Variants in ABHD17C observed in about 807,000 individuals in gnomAD.
The protein encoded by ABHD17C is alpha/beta hydrolase domain-containing protein 17C.
ABHD17C carries 11 observed loss-of-function variants against 27.9 expected under a neutral mutation model. That is an observed-to-expected ratio of 0.39 (90% CI 0.25 to 0.65). The LOEUF (loss-of-function observed/expected upper bound fraction) is 0.65. Among genes scored for constraint, ABHD17C ranks in the 30% least tolerant of loss-of-function variants. The probability of loss-of-function intolerance (pLI) is 0.45; values close to 1 mark genes in which losing one functional copy is unlikely to be tolerated. For synonymous variants in ABHD17C, 233 were observed against 209.1 expected, an observed-to-expected ratio of 1.11 and a Z score of -0.98; for missense variants, 280 against 470.2, an observed-to-expected ratio of 0.60 and a Z score of 3.74.
intron 1 of ABHD17C, among the ~76,000 whole-genome samples, chr15:80,745,668 T>TA (rs1464993907): frequency 2.0e-5 from 3 of 152,148 alleles, no homozygotes; most frequent in African/African-American, 7.2e-5. Flanking sequence ...CGCCCAGCCT[T>TA]AACAGCATGA....
intron 1 of ABHD17C, among the ~76,000 whole-genome samples, chr15:80,708,416 A>G (rs1476312208): frequency 6.6e-6 from 1 of 152,176 alleles, no homozygotes; most frequent in Non-Finnish European, 1.5e-5. Flanking sequence ...CCTAGGTTCA[A>G]GTGATTCTCA....
chr15:80,748,444 G>T (rs547917998), intron 1 of ABHD17C, among the ~76,000 whole-genome samples: 1 of 151,984 alleles, frequency 6.6e-6, no homozygotes, highest in Admixed American at 6.6e-5. Flanking sequence ...ACACTGTCTG[G>T]CTTCTTCATT....
intron 1 of ABHD17C, among the ~76,000 whole-genome samples, chr15:80,725,104 G>T (rs554088542): frequency 6.6e-6 from 1 of 152,188 alleles, no homozygotes; most frequent in South Asian, 2.1e-4. Context: ...TAACCAACAC[G>T]ATTTTGTCTA....
At chr15:80,743,940 T>G (rs1895247744) in intron 1 of ABHD17C, among the ~76,000 whole-genome samples, 1 of 152,256 alleles carries the variant, frequency 6.6e-6, no homozygotes, top group South Asian at 2.1e-4. Context: ...TGTTCCAGAC[T>G]GGTAGGGTTT....
intron 1 of ABHD17C, among the ~76,000 whole-genome samples, chr15:80,746,465 T>C (rs1474729809): frequency 1.3e-5 from 2 of 152,150 alleles, no homozygotes; most frequent in Non-Finnish European, 2.9e-5. Context: ...ACTAGTGCTT[T>C]TTTGTGTTTT....
chr15:80,709,913 C>G (rs1446741817), intron 1 of ABHD17C, among the ~76,000 whole-genome samples: 1 of 152,166 alleles, frequency 6.6e-6, no homozygotes, highest in Non-Finnish European at 1.5e-5. Context: ...CAGAACAAAA[C>G]AAGCAAAACC....
chr15:80,750,574 T>G (rs1895352950), intron 2 of ABHD17C, among the ~76,000 whole-genome samples: 1 of 152,210 alleles, frequency 6.6e-6, no homozygotes, highest in Non-Finnish European at 1.5e-5. Context: ...GATCATCGTT[T>G]GGTTACATAA....
intron 2 of ABHD17C, among the ~76,000 whole-genome samples, chr15:80,750,497 C>T (rs8034858): frequency 0.088 from 13,317 of 152,188 alleles, 787 homozygotes; most frequent in East Asian, 0.17. Flanking sequence ...AAAGAAGACA[C>T]GGTTTTAGGG....
At chr15:80,725,885 G>T (rs761355873) in intron 1 of ABHD17C, among the ~76,000 whole-genome samples, 1 of 152,064 alleles carries the variant, frequency 6.6e-6, no homozygotes. Context: ...CTCGGTTGGG[G>T]AGACCCTAAC....
At chr15:80,714,405 C>T (rs748764567) in intron 1 of ABHD17C, among the ~76,000 whole-genome samples, 23 of 152,204 alleles carry the variant, frequency 1.5e-4, no homozygotes, top group Non-Finnish European at 2.9e-4. Flanking sequence ...GTTGTTGTCT[C>T]CATTTCACAA....
intron 1 of ABHD17C, among the ~76,000 whole-genome samples, chr15:80,731,497 T>TA (rs996545886): frequency 6.6e-6 from 1 of 152,202 alleles, no homozygotes; most frequent in African/African-American, 2.4e-5. Flanking sequence ...AAAGAGTTCT[T>TA]ACAAGATCCC....
At chr15:80,721,728 G>A (rs976390160) in intron 1 of ABHD17C, among the ~76,000 whole-genome samples, 2 of 152,144 alleles carry the variant, frequency 1.3e-5, no homozygotes, top group Non-Finnish European at 2.9e-5. Context: ...TCTGTGCAGC[G>A]TAAGGTGGTA....
intron 1 of ABHD17C, among the ~76,000 whole-genome samples, chr15:80,701,583 G>A (rs530128749): frequency 6.6e-6 from 1 of 151,710 alleles, no homozygotes; most frequent in Non-Finnish European, 1.5e-5. Context: ...AGAGGCCGAG[G>A]CATGAGAATG....
At chr15:80,702,176 G>C (rs937069450) in intron 1 of ABHD17C, among the ~76,000 whole-genome samples, 8 of 152,106 alleles carry the variant, frequency 5.3e-5, no homozygotes, top group African/African-American at 1.7e-4. Context: ...ACTCTTAGAG[G>C]CTCAGTCTTC....
chr15:80,741,464 TAAAGG>T (rs1895210231), intron 1 of ABHD17C, among the ~76,000 whole-genome samples: 1 of 151,286 alleles, frequency 6.6e-6, no homozygotes, highest in South Asian at 2.1e-4. Context: ...CCTATTCACT[TAAAGG>T]AAGCCCTGTA....
At position 80,754,388 on chromosome 15, in the gene ABHD17C, T is replaced by TA; in HGVS notation, c.*19dup. 1 of 1,592,370 alleles carries TA rather than the reference T, an allele frequency of 6.3e-7. No individual in the cohort carries two copies. Among genetic ancestry groups the TA allele is most frequent in the South Asian group, 1.1e-5 (1 of 89,198 alleles). The stretch of plus-strand genomic sequence containing the variant: ...ATTCCTGAAGACAACAACTTGATCT[T>TA]ACCTCATTTACTGTGAACAGAAGAG... On this transcript the variant is annotated 3_prime_UTR_variant, in exon 3 of 3. Coordinates refer to ENST00000258884, the MANE Select transcript of ABHD17C (RefSeq NM_021214.2).
chr15:80,753,119 C>T (rs1026620258), intron 2 of ABHD17C, among the ~76,000 whole-genome samples: 1 of 152,010 alleles, frequency 6.6e-6, no homozygotes, highest in African/African-American at 2.4e-5. Context: ...AATTAAGTGT[C>T]CAGCTTTCCA....
intron 1 of ABHD17C, among the ~76,000 whole-genome samples, chr15:80,735,182 T>G (rs2141513883): frequency 6.6e-6 from 1 of 152,306 alleles, no homozygotes; most frequent in African/African-American, 2.4e-5. Context: ...AGATTTTTCT[T>G]TGTAATTAAC....
intron 1 of ABHD17C, among the ~76,000 whole-genome samples, chr15:80,744,127 A>G (rs1173068861): frequency 6.9e-6 from 1 of 144,928 alleles, no homozygotes; most frequent in Non-Finnish European, 1.5e-5. Flanking sequence ...TCTTTTATGT[A>G]ATTTAATCTG....
Sources: gnomAD v4.1 joint callset for allele counts (sites outside exome capture counted in the v4.1 genomes callset) on GRCh38, gnomAD v4.1.1 for gene constraint, MANE v1.5 for transcripts, NCBI Gene and HGNC (gene_info 2026-07-23, HGNC 2026-07-21) for gene names.